The following MYO5B variants were observed in gnomAD, a reference collection of about 807,000 sequenced individuals.
MYO5B encodes the protein myosin VB.
In MYO5B, 143 loss-of-function variants were observed where a neutral mutation model predicts 229.3. The observed-to-expected ratio is 0.62, with a 90% CI of 0.54 to 0.72. The LOEUF (loss-of-function observed/expected upper bound fraction) is 0.72, where lower values mean the gene tolerates loss of function less well. Among genes scored for constraint, MYO5B ranks in the 30% least tolerant of loss-of-function variants. MYO5B has a pLI of 0.00. For synonymous variants in MYO5B, 918 were observed against 885.2 expected, an observed-to-expected ratio of 1.04 and a Z score of -0.66; for missense variants, 2,321 against 2,331.0, an observed-to-expected ratio of 1.00 and a Z score of 0.09.
At chr18:49,949,482 C>T (rs949132929) in intron 14 of MYO5B, among the ~76,000 whole-genome samples, 6 of 152,250 alleles carry the variant, frequency 3.9e-5, no homozygotes, top group African/African-American at 9.6e-5. Context: ...ACATTACAAC[C>T]GCTCAGACAA....
chr18:50,187,351 G>A (rs529286244), intron 1 of MYO5B, among the ~76,000 whole-genome samples: 15 of 152,296 alleles, frequency 9.8e-5, no homozygotes, highest in African/African-American at 1.9e-4. Flanking sequence ...AAAGTGATCC[G>A]TCAGTAACAG....
chr18:49,830,829 C>CAAAAAAAAA (rs59785909), intron 39 of MYO5B, among the ~76,000 whole-genome samples: 1 of 72,950 alleles, frequency 1.4e-5, no homozygotes, highest in Non-Finnish European at 2.7e-5. Flanking sequence ...GACTCTGTCT[C>CAAAAAAAAA]AAAAAAAAAA....
intron 14 of MYO5B, among the ~76,000 whole-genome samples, chr18:49,952,493 T>C (rs2025440801): frequency 6.6e-6 from 1 of 152,186 alleles, no homozygotes; most frequent in South Asian, 2.1e-4. Flanking sequence ...TACCTGTGGG[T>C]GTCTTCATCT....
At position 49,944,287 on chromosome 18, in the gene MYO5B, C is replaced by G. The variant is rs1196235468; in HGVS notation, c.1753-6890G>C. Among the ~76,000 whole-genome samples, 3 of 152,078 alleles carry G rather than the reference C, an allele frequency of 2.0e-5. No homozygotes were observed. In the East Asian group the frequency reaches 5.8e-4, roughly 29 times the overall value. ...GTACGTAGCATAGTCAGGATTTGAA[C>G]CCAGACAGCCTGTCTCCAGAGTCCA... is the stretch of plus-strand genomic sequence containing the variant. On this transcript the variant is annotated intron_variant, in intron 14 of 39. Coordinates refer to ENST00000285039, the MANE Select transcript of MYO5B (RefSeq NM_001080467.3).
chr18:50,047,138 C>T (rs1256080986), intron 2 of MYO5B, among the ~76,000 whole-genome samples: 51 of 152,186 alleles, frequency 3.4e-4, no homozygotes, highest in African/African-American at 1.1e-3. Context: ...AAACTACCAT[C>T]GGAGTGAACA....
At chr18:50,189,393 T>C (rs1273293780) in intron 1 of MYO5B, among the ~76,000 whole-genome samples, 2 of 152,228 alleles carry the variant, frequency 1.3e-5, no homozygotes, top group Non-Finnish European at 2.9e-5. Context: ...GAAAACAGTA[T>C]GGGTCATACT....
At chr18:50,173,595 C>T (rs1262533879) in intron 1 of MYO5B, among the ~76,000 whole-genome samples, 1 of 152,080 alleles carries the variant, frequency 6.6e-6, no homozygotes, top group Non-Finnish European at 1.5e-5. Flanking sequence ...GAGGTCAGAG[C>T]AGTGAGGGGG....
At chr18:50,120,659 G>T (rs2144530370) in intron 1 of MYO5B, among the ~76,000 whole-genome samples, 1 of 152,304 alleles carries the variant, frequency 6.6e-6, no homozygotes, top group African/African-American at 2.4e-5. Context: ...CCTCAAGCAG[G>T]TCATAGCTGA....
chr18:49,935,512 G>T (rs2025239619), intron 16 of MYO5B, among the ~76,000 whole-genome samples: 1 of 152,202 alleles, frequency 6.6e-6, no homozygotes, highest in Non-Finnish European at 1.5e-5. Context: ...CTACAACAAA[G>T]ACCAATGAAA....
intron 16 of MYO5B, among the ~76,000 whole-genome samples, chr18:49,935,393 T>A (rs963370737): frequency 6.6e-6 from 1 of 152,066 alleles, no homozygotes; most frequent in Admixed American, 6.6e-5. Context: ...TGACAGCACA[T>A]ACCCATCATC....
At chr18:49,921,278 TA>T (rs368793946) in intron 17 of MYO5B, among the ~76,000 whole-genome samples, 5,516 of 128,418 alleles carry the variant, frequency 0.043, 137 homozygotes, top group South Asian at 0.15. Flanking sequence ...TTTTTTTTTT[TA>T]TAATATCAAC....
chr18:49,928,543 C>G (rs2025154971), intron 17 of MYO5B, among the ~76,000 whole-genome samples: 2 of 152,172 alleles, frequency 1.3e-5, no homozygotes, highest in African/African-American at 2.4e-5. Flanking sequence ...ACACAGGAGA[C>G]TAAGGCAGAA....
At chr18:50,047,573 A>G (rs1049473426) in intron 2 of MYO5B, among the ~76,000 whole-genome samples, 1 of 152,216 alleles carries the variant, frequency 6.6e-6, no homozygotes. Context: ...CACTTGATAC[A>G]GCCATCCCAT....
chr18:49,943,696 A>G (rs2025340987), intron 14 of MYO5B, among the ~76,000 whole-genome samples: 2 of 152,238 alleles, frequency 1.3e-5, no homozygotes, highest in African/African-American at 4.8e-5. Flanking sequence ...CTGGTAAAAC[A>G]AAAGTGTTAT....
intron 1 of MYO5B, among the ~76,000 whole-genome samples, chr18:50,061,117 G>A (rs900746712): frequency 6.6e-6 from 1 of 152,180 alleles, no homozygotes; most frequent in Non-Finnish European, 1.5e-5. Context: ...GAAGAGCACA[G>A]CATTTATCCA....
chr18:50,133,173 C>CT (rs1285148295), intron 1 of MYO5B, among the ~76,000 whole-genome samples: 1 of 152,114 alleles, frequency 6.6e-6, no homozygotes, highest in African/African-American at 2.4e-5. Flanking sequence ...CCATGGCCCC[C>CT]TTCAAAGTAC....
chr18:49,978,311 C>T (rs182937607), intron 9 of MYO5B, among the ~76,000 whole-genome samples: 1 of 152,276 alleles, frequency 6.6e-6, no homozygotes, highest in East Asian at 1.9e-4. Flanking sequence ...AATAAACACT[C>T]ACTTCCCTTC....
At chr18:50,031,008 C>CAAAACTG (rs1314183176) in intron 4 of MYO5B, among the ~76,000 whole-genome samples, 1 of 150,884 alleles carries the variant, frequency 6.6e-6, no homozygotes, top group African/African-American at 2.4e-5. Flanking sequence ...GAAAACACAC[C>CAAAACTG]AAAACTGTAA....
chr18:49,887,898 A>G (rs9304389), intron 22 of MYO5B, among the ~76,000 whole-genome samples: 87,952 of 151,432 alleles, frequency 0.58, 25,681 homozygotes, highest in Middle Eastern at 0.67. Flanking sequence ...ATATTGGCCA[A>G]GCTAGTCTGG....
Sources: gnomAD v4.1 joint callset for allele counts (sites outside exome capture counted in the v4.1 genomes callset) on GRCh38, gnomAD v4.1.1 for gene constraint, MANE v1.5 for transcripts, NCBI Gene and HGNC (gene_info 2026-07-23, HGNC 2026-07-21) for gene names.